The following NRG1 variants were observed in gnomAD, a reference collection of about 807,000 sequenced individuals.
NRG1 encodes pro-neuregulin-1, membrane-bound isoform.
A neutral mutation model predicts 63.8 loss-of-function variants in NRG1; 18 were observed. The observed-to-expected ratio is 0.28, with a 90% confidence interval of 0.19 to 0.42. The LOEUF (loss-of-function observed/expected upper bound fraction) is 0.42. NRG1 is among the 10% of genes least tolerant of loss of function. The pLI is 1.00. For synonymous variants in NRG1, 302 were observed against 301.3 expected (o/e 1.00, Z -0.02); for missense variants, 762 against 814.7 (o/e 0.94, Z 0.79).
At chr8:32,053,692 C>T (rs1327217701) in intron 1 of NRG1, among the ~76,000 whole-genome samples, 4 of 152,188 alleles carry the variant, frequency 2.6e-5, no homozygotes, top group Admixed American at 6.5e-5. Context: ...TTTACTGCAT[C>T]TCTGTTGTTA....
intron 7 of NRG1, among the ~76,000 whole-genome samples, chr8:32,747,325 G>A (rs3757933): frequency 0.23 from 35,529 of 151,824 alleles, 4,838 homozygotes; most frequent in East Asian, 0.37. Context: ...AAAAGGCAAG[G>A]GAAGGGAGGG....
At position 31,965,027 on chromosome 8, in the gene NRG1, G is replaced by A. The variant is rs139603532; in HGVS notation, c.37+325596G>A. Among the ~76,000 whole-genome samples the A allele has an allele frequency of 5.3e-5, 8 of 152,268 alleles. No homozygotes were observed. In the South Asian group the frequency reaches 6.2e-4, roughly 12 times the overall value. ...GGGCCAAAGCATAGGAACAAACTCA[G>A]GCCAGTGATGGAGCAACTTCAGCTG... is the stretch of plus-strand genomic sequence containing the variant. On this transcript the variant is annotated intron_variant, in intron 1 of 10. Coordinates refer to the NRG1 transcript ENST00000519301.
intron 1 of NRG1, among the ~76,000 whole-genome samples, chr8:31,955,479 C>G (rs1466492785): frequency 6.6e-6 from 1 of 152,220 alleles, no homozygotes; most frequent in Non-Finnish European, 1.5e-5. Flanking sequence ...AGGACTCACA[C>G]TCTACTTGGG....
At chr8:32,402,929 C>T (rs781392332) in intron 1 of NRG1, among the ~76,000 whole-genome samples, 3 of 152,046 alleles carry the variant, frequency 2.0e-5, no homozygotes, top group African/African-American at 4.8e-5. Flanking sequence ...TATGTATTTT[C>T]GTATCCTTAC....
chr8:32,658,527 T>C (rs377419456), intron 5 of NRG1, among the ~76,000 whole-genome samples: 1 of 152,232 alleles, frequency 6.6e-6, no homozygotes, highest in East Asian at 1.9e-4. Flanking sequence ...ACGTATGTTC[T>C]GATTGTATTT....
intron 1 of NRG1, among the ~76,000 whole-genome samples, chr8:32,585,597 A>G (rs1230630072): frequency 6.6e-6 from 1 of 152,256 alleles, no homozygotes; most frequent in African/African-American, 2.4e-5. Context: ...AGTGAGATAC[A>G]GCACTGTTCA....
intron 1 of NRG1, among the ~76,000 whole-genome samples, chr8:31,777,853 A>G (rs998871432): frequency 1.3e-5 from 2 of 152,302 alleles, no homozygotes; most frequent in African/African-American, 4.8e-5. Context: ...GTGAAAACTC[A>G]GTCATTACCT....
chr8:32,480,227 C>G (rs933711050), intron 1 of NRG1, among the ~76,000 whole-genome samples: 1 of 151,882 alleles, frequency 6.6e-6, no homozygotes, highest in Non-Finnish European at 1.5e-5. Context: ...ATGATCTCAC[C>G]TATATGTGGA....
chr8:31,728,679 G>A lies in NRG1; in HGVS notation c.37+89248G>A, dbSNP rs79233114. On this transcript the variant is annotated intron_variant, in intron 1 of 10. Transcript: ENST00000519301. Reference sequence around the variant, plus strand: ...TCATAGCTCACACAATTCAATTTATGCCTTATAAAATTACAAACTATTACA... The same window carrying A: ...TCATAGCTCACACAATTCAATTTATACCTTATAAAATTACAAACTATTACA... 5.7e-3 allele frequency among the ~76,000 whole-genome samples: 862 copies of A among 152,162 alleles called. 1 individual carries two copies. The highest frequency in any genetic ancestry group is 8.1e-3 in the Non-Finnish European group (549 of 67,996).
chr8:32,335,459 G>T (rs1803148991), intron 1 of NRG1, among the ~76,000 whole-genome samples: 1 of 152,134 alleles, frequency 6.6e-6, no homozygotes. Context: ...TCCATTGTCA[G>T]TGTGGGTCCA....
At chr8:32,760,973 A>G in intron 11 of NRG1, 1 of 986,460 alleles carries the variant, frequency 1.0e-6, no homozygotes. Context: ...ATGAATAAAT[A>G]AATCTCTTGG....
chr8:32,643,219 G>A (rs1391174860), intron 5 of NRG1, among the ~76,000 whole-genome samples: 1 of 152,184 alleles, frequency 6.6e-6, no homozygotes, highest in African/African-American at 2.4e-5. Context: ...AATTGTGGCT[G>A]CAAATTCTTT....
At chr8:32,114,056 C>G (rs149731018) in intron 1 of NRG1, among the ~76,000 whole-genome samples, 2 of 152,286 alleles carry the variant, frequency 1.3e-5, no homozygotes, top group African/African-American at 4.8e-5. Context: ...CTCACTTTAG[C>G]TCATTAGAAT....
intron 1 of NRG1, among the ~76,000 whole-genome samples, chr8:31,975,828 GA>G (rs1200024130): frequency 1.3e-5 from 2 of 152,208 alleles, no homozygotes; most frequent in African/African-American, 2.4e-5. Context: ...TTTACATGGA[GA>G]AAAAAGTCTC....
intron 1 of NRG1, among the ~76,000 whole-genome samples, chr8:31,882,132 A>G (rs1830392852): frequency 6.6e-6 from 1 of 152,046 alleles, no homozygotes; most frequent in Admixed American, 6.6e-5. Context: ...GTTAGGGGCT[A>G]ATGCAGCAGG....
At chr8:32,521,590 T>C (rs1248847772) in intron 1 of NRG1, among the ~76,000 whole-genome samples, 1 of 152,214 alleles carries the variant, frequency 6.6e-6, no homozygotes, top group Non-Finnish European at 1.5e-5. Context: ...TATATTAATA[T>C]TCATTATCAC....
At chr8:31,790,872 G>A (rs773439463) in intron 1 of NRG1, among the ~76,000 whole-genome samples, 1 of 152,108 alleles carries the variant, frequency 6.6e-6, no homozygotes. Context: ...TGAAGGATGA[G>A]CAGGTCATGA....
intron 1 of NRG1, among the ~76,000 whole-genome samples, chr8:32,590,762 T>A (rs760760893): frequency 6.6e-6 from 1 of 152,082 alleles, no homozygotes; most frequent in Non-Finnish European, 1.5e-5. Context: ...ATTTATATAA[T>A]CTCTGACAAA....
intron 1 of NRG1, among the ~76,000 whole-genome samples, chr8:32,078,756 C>G (rs550433441): frequency 1.4e-4 from 22 of 152,092 alleles, no homozygotes; most frequent in Non-Finnish European, 2.8e-4. Flanking sequence ...TTATGTCCGG[C>G]CCACTCTCCT....
Sources: allele counts gnomAD v4.1 joint callset (sites outside exome capture counted in the v4.1 genomes callset), GRCh38; gene constraint gnomAD v4.1.1; transcripts MANE v1.5; gene names NCBI Gene and HGNC (gene_info 2026-07-23, HGNC 2026-07-21).